EPHA6: variants seen among roughly 807,000 people sequenced by gnomAD.
The protein encoded by EPHA6 is EPH receptor A6, also known as ephrin type-A receptor 6.
Under a neutral mutation model 112.0 loss-of-function variants are expected in EPHA6, and 50 were observed. The observed-to-expected ratio is 0.45, with a 90% confidence interval of 0.36 to 0.56. The LOEUF (loss-of-function observed/expected upper bound fraction) is 0.56, where lower values mean the gene tolerates loss of function less well. Among genes scored for constraint, EPHA6 ranks in the 20% least tolerant of loss-of-function variants. EPHA6 has a pLI of 0.00. For synonymous variants in EPHA6, 529 were observed against 490.7 expected, an observed-to-expected ratio of 1.08 and a Z score of -1.03; for missense variants, 1,280 against 1,417.4, an observed-to-expected ratio of 0.90 and a Z score of 1.56.
chr3:97,062,668 A>G (rs1404525191), intron 3 of EPHA6, among the ~76,000 whole-genome samples: 1 of 152,098 alleles, frequency 6.6e-6, no homozygotes, highest in Non-Finnish European at 1.5e-5. Flanking sequence ...GGTGGTGAAT[A>G]AGTCTTATGA....
chr3:97,601,700 G>A (rs980281280), intron 12 of EPHA6, among the ~76,000 whole-genome samples: 1 of 151,888 alleles, frequency 6.6e-6, no homozygotes, highest in African/African-American at 2.4e-5. Context: ...TACTTGCCTG[G>A]TGCATTGGGG....
intron 6 of EPHA6, among the ~76,000 whole-genome samples, chr3:97,420,190 A>G (rs1275480618): frequency 6.6e-6 from 1 of 152,068 alleles, no homozygotes; most frequent in South Asian, 2.1e-4. Flanking sequence ...AAACATCCAT[A>G]AATCTCTCAT....
chr3:97,706,612 C>T (rs1037114748), intron 14 of EPHA6, among the ~76,000 whole-genome samples: 2 of 152,164 alleles, frequency 1.3e-5, no homozygotes, highest in East Asian at 3.8e-4. Flanking sequence ...CTGTGTCGCC[C>T]TTCTGTGCCT....
At chr3:97,732,900 G>A (rs1418160770) in intron 15 of EPHA6, among the ~76,000 whole-genome samples, 1 of 151,904 alleles carries the variant, frequency 6.6e-6, no homozygotes, top group Non-Finnish European at 1.5e-5. Context: ...CCTGTCCCTG[G>A]CTCAAGACAG....
At chr3:96,939,746 A>C (rs557221207) in intron 2 of EPHA6, among the ~76,000 whole-genome samples, 85 of 152,326 alleles carry the variant, frequency 5.6e-4, no homozygotes, top group Non-Finnish European at 7.8e-4. Flanking sequence ...ATTTAGTGCT[A>C]TAAATTTCCC....
intron 13 of EPHA6, among the ~76,000 whole-genome samples, chr3:97,623,131 T>C (rs2093827493): frequency 6.6e-6 from 1 of 151,780 alleles, no homozygotes; most frequent in Admixed American, 6.6e-5. Context: ...GTCAGTTTTT[T>C]CTTTTGTTGC....
At chr3:97,240,199 G>T (rs2078803213) in intron 4 of EPHA6, among the ~76,000 whole-genome samples, 2 of 151,810 alleles carry the variant, frequency 1.3e-5, no homozygotes, top group African/African-American at 4.8e-5. Flanking sequence ...TATCATATCA[G>T]TGAACATGAT....
At chr3:97,073,472 T>G (rs1050291550) in intron 3 of EPHA6, among the ~76,000 whole-genome samples, 1 of 152,146 alleles carries the variant, frequency 6.6e-6, no homozygotes, top group African/African-American at 2.4e-5. Flanking sequence ...GATTTTGCTT[T>G]AACTGCATTT....
chr3:96,889,790 C>T (rs2037846976), intron 2 of EPHA6, among the ~76,000 whole-genome samples: 1 of 151,954 alleles, frequency 6.6e-6, no homozygotes, highest in African/African-American at 2.4e-5. Flanking sequence ...TATTATAATG[C>T]TATAGTATAT....
intron 14 of EPHA6, among the ~76,000 whole-genome samples, chr3:97,685,353 T>C (rs1209829376): frequency 2.0e-5 from 3 of 152,222 alleles, no homozygotes; most frequent in Admixed American, 2.0e-4. Flanking sequence ...TATTTATTTC[T>C]TTAAATGCAT....
intron 1 of EPHA6, among the ~76,000 whole-genome samples, chr3:96,831,736 T>C (rs1312868775): frequency 1.3e-5 from 2 of 152,088 alleles, no homozygotes; most frequent in Non-Finnish European, 2.9e-5. Context: ...ATTCAAGTTC[T>C]TTGCAAGCAA....
intron 14 of EPHA6, among the ~76,000 whole-genome samples, chr3:97,672,540 A>T (rs945666262): frequency 3.3e-4 from 50 of 152,136 alleles, no homozygotes; most frequent in African/African-American, 1.2e-3. Context: ...AGTGAAGGTC[A>T]TGTGGAGTCA....
In EPHA6 at chr3:97,385,056, G is replaced by A. The variant is rs191475388; in HGVS notation, c.1607-20094G>A. 9.2e-5 allele frequency among the ~76,000 whole-genome samples: 14 copies of A among 152,216 alleles called. No homozygotes were observed. In the East Asian group the frequency reaches 2.7e-3, roughly 29 times the overall value. On this transcript the variant is annotated intron_variant, in intron 5 of 17. Transcript: ENST00000389672. ...AGACTAAGTTGCTGAACACAGAGTGGGGAAAAGATGGACACAGTAGGTTCT... is the reference window on the plus strand; with the variant it reads ...AGACTAAGTTGCTGAACACAGAGTGAGGAAAAGATGGACACAGTAGGTTCT...
intron 3 of EPHA6, among the ~76,000 whole-genome samples, chr3:97,163,919 G>A (rs1426016732): frequency 6.6e-6 from 1 of 152,144 alleles, no homozygotes; most frequent in Non-Finnish European, 1.5e-5. Context: ...TAAGCCTGTT[G>A]AAGGAAGATA....
At chr3:97,095,431 C>T (rs552993444) in intron 3 of EPHA6, among the ~76,000 whole-genome samples, 130 of 151,550 alleles carry the variant, frequency 8.6e-4, no homozygotes, top group Non-Finnish European at 1.4e-3. Flanking sequence ...GCACATGTAC[C>T]CTAGAACTTC....
chr3:97,129,737 A>G (rs2048286906), intron 3 of EPHA6, among the ~76,000 whole-genome samples: 1 of 152,106 alleles, frequency 6.6e-6, no homozygotes, highest in Non-Finnish European at 1.5e-5. Context: ...ATAGGCAAGG[A>G]GCAGCAGGGT....
At chr3:97,314,640 G>A (rs1323512225) in intron 5 of EPHA6, among the ~76,000 whole-genome samples, 7 of 151,542 alleles carry the variant, frequency 4.6e-5, no homozygotes. Flanking sequence ...ATTTTTATAA[G>A]CAAGAGAATA....
chr3:97,472,012 A>T (rs929526863), intron 7 of EPHA6, among the ~76,000 whole-genome samples: 1 of 151,610 alleles, frequency 6.6e-6, no homozygotes, highest in South Asian at 2.1e-4. Context: ...TTGTCTTTAC[A>T]TGTGTCTTTA....
intron 14 of EPHA6, among the ~76,000 whole-genome samples, chr3:97,718,741 A>G (rs1490200887): frequency 2.6e-5 from 4 of 152,106 alleles, no homozygotes; most frequent in South Asian, 4.1e-4. Context: ...CTCTGCCCCA[A>G]TGCATGAAAA....
Sources: gnomAD v4.1 joint callset for allele counts (sites outside exome capture counted in the v4.1 genomes callset) on GRCh38, gnomAD v4.1.1 for gene constraint, MANE v1.5 for transcripts, NCBI Gene and HGNC (gene_info 2026-07-23, HGNC 2026-07-21) for gene names.